Variants in ARFGEF2 observed in about 807,000 individuals in gnomAD.
ARFGEF2 encodes ARF guanine nucleotide exchange factor 2, also known as brefeldin A-inhibited guanine nucleotide-exchange protein 2.
ARFGEF2 carries 74 observed loss-of-function variants against 219.9 expected under a neutral mutation model. The ratio of observed to expected loss-of-function variants is 0.34; its 90% CI spans 0.28 to 0.41. The LOEUF (loss-of-function observed/expected upper bound fraction) is 0.41, where lower values mean the gene tolerates loss of function less well. Ranked by LOEUF, ARFGEF2 falls within the 10% of genes least tolerant of loss-of-function variation. The probability of loss-of-function intolerance (pLI) is 1.00; values close to 1 mark genes in which losing one functional copy is unlikely to be tolerated. For synonymous variants in ARFGEF2, 733 were observed against 799.2 expected (o/e 0.92, Z 1.40); for missense variants, 1,743 against 2,218.3 (o/e 0.79, Z 4.30).
At chr20:48,926,023 A>G (rs894262269) in intron 1 of ARFGEF2, among the ~76,000 whole-genome samples, 1 of 152,198 alleles carries the variant, frequency 6.6e-6, no homozygotes, top group African/African-American at 2.4e-5. Context: ...GGCACAGTAA[A>G]GTGGGCTTTT....
chr20:48,955,510 G>A (rs772759296), intron 6 of ARFGEF2, among the ~76,000 whole-genome samples: 7 of 152,178 alleles, frequency 4.6e-5, no homozygotes, highest in East Asian at 1.9e-4. Flanking sequence ...CCTGGCACAC[G>A]CAGCAGACAT....
In ARFGEF2 at chr20:48,976,264, A is replaced by G; in HGVS notation, c.1958+65A>G. On this transcript the variant is annotated intron_variant, in intron 14 of 38. Transcript: ENST00000371917. The stretch of plus-strand genomic sequence containing the variant: ...AGCCATATTTTCTCTGGGAACCTGG[A>G]ACTGATTCCTAAAAAGGAAATGCCT... 8 of 1,579,168 alleles carry G rather than the reference A, an allele frequency of 5.1e-6. No homozygotes were observed. The South Asian group carries it at 8.0e-5, about 16-fold the overall frequency.
At position 48,953,543 on chromosome 20, in the gene ARFGEF2, T is replaced by G. The variant is rs908561486; in HGVS notation, c.604-13T>G. 7.7e-5 allele frequency: 124 copies of G among 1,612,512 alleles called. No homozygotes were observed. Among genetic ancestry groups the G allele is most frequent in the Non-Finnish European group, 1.0e-4 (118 of 1,178,636 alleles). ...TTACCAAAATGCTGTATCCCCCTTT[T>G]GTTGCCTTTTAGTTGCAGGAGGCCA... is the stretch of plus-strand genomic sequence containing the variant. On this transcript the variant is annotated splice_polypyrimidine_tract_variant and intron_variant, in intron 5 of 38. Transcript: ENST00000371917.
chr20:48,974,971 A>C (rs1413335121), intron 13 of ARFGEF2, 97 bp downstream of exon 13: 2 of 1,084,272 alleles, frequency 1.8e-6, no homozygotes, highest in Non-Finnish European at 2.8e-6. Flanking sequence ...AGAATTGAAA[A>C]AGCCTTTTTA....
At position 48,985,607 on chromosome 20, in the gene ARFGEF2, A is replaced by G. The variant is rs2091322420; in HGVS notation, c.2270A>G (p.Asn757Ser). The G allele has an allele frequency of 1.2e-6, 2 of 1,614,170 alleles. No individual in the cohort carries two copies. Among genetic ancestry groups the G allele is most frequent in the East Asian group, 4.5e-5 (2 of 44,888 alleles). ...EKFAARYIEC[N>S]QGQTLFASAD... is the part of the protein sequence containing the mutation. ...TTTGCCGCAAGATACATAGAATGCAACCAAGGGTGAGCGCCGATTTTGAGT... is the reference window on the plus strand; with the variant it reads ...TTTGCCGCAAGATACATAGAATGCAGCCAAGGGTGAGCGCCGATTTTGAGT... Residue 757 changes from asparagine to serine, a missense_variant, in exon 16 of 39, where the codon AAC becomes AGC. By Grantham distance (46) the Asn-to-Ser change is conservative. Transcript: ENST00000371917.
chr20:48,935,346 C>T (rs2090941179), intron 1 of ARFGEF2, among the ~76,000 whole-genome samples: 1 of 152,082 alleles, frequency 6.6e-6, no homozygotes. Flanking sequence ...ACATCTTGCA[C>T]CGCCCTTAAT....
chr20:49,031,220 CTTTTTTTTTTTTTTT>C (rs869105434), intron 37 of ARFGEF2, among the ~76,000 whole-genome samples: 1 of 59,396 alleles, frequency 1.7e-5, no homozygotes, highest in Non-Finnish European at 2.8e-5. Context: ...TGAGTTTGGA[CTTTTTTTTTTTTTTT>C]TTTTTTTTTT....
chr20:49,017,577 GTCTTT>G, intron 33 of ARFGEF2, 27 bp downstream of exon 33: 1 of 1,612,940 alleles, frequency 6.2e-7, no homozygotes, highest in African/African-American at 1.3e-5. Context: ...TTCTTTGGTT[GTCTTT>G]TCTTTTTTCT....
chr20:49,011,105 A>G (rs1184578403), intron 27 of ARFGEF2, among the ~76,000 whole-genome samples: 1 of 152,170 alleles, frequency 6.6e-6, no homozygotes, highest in Non-Finnish European at 1.5e-5. Flanking sequence ...TGGAAAAAAT[A>G]TGTGTGTTAG....
At position 49,034,193 on chromosome 20, in the gene ARFGEF2, C is replaced by G. The variant is rs1479455435; in HGVS notation, c.*994C>G. 1 of 152,214 alleles carries G rather than the reference C, an allele frequency of 6.6e-6. No homozygotes were observed. Among genetic ancestry groups the G allele is most frequent in the Non-Finnish European group, 1.5e-5 (1 of 68,046 alleles). 9.4% of individuals were successfully genotyped at this position (152,214 alleles called of 1,614,324 possible). A position where few individuals can be genotyped will look rare whatever the true frequency, so the allele number is the denominator to read the frequency against. The stretch of plus-strand genomic sequence containing the variant: ...CATTAAAGGACCCTCCAGAGAGGGA[C>G]AGTAACTGTGCATGAGAAGCCGCTC... On this transcript the variant is annotated 3_prime_UTR_variant, in exon 39 of 39. Transcript: ENST00000371917.
At chr20:48,973,869 T>C (rs761922355) in intron 12 of ARFGEF2, among the ~76,000 whole-genome samples, 71 of 152,204 alleles carry the variant, frequency 4.7e-4, no homozygotes, top group Non-Finnish European at 9.0e-4. Context: ...AGTTGCTGTT[T>C]TGAATCTAAA....
intron 8 of ARFGEF2, among the ~76,000 whole-genome samples, chr20:48,967,137 T>A (rs1166877880): frequency 2.0e-5 from 3 of 152,222 alleles, no homozygotes; most frequent in Non-Finnish European, 4.4e-5. Flanking sequence ...TGAGCCACTG[T>A]ATCCAACCAG....
intron 37 of ARFGEF2, among the ~76,000 whole-genome samples, chr20:49,031,220 C>CTTTTTTTT (rs869105434): frequency 1.7e-5 from 1 of 59,396 alleles, no homozygotes; most frequent in Non-Finnish European, 2.8e-5. Context: ...TGAGTTTGGA[C>CTTTTTTTT]TTTTTTTTTT....
At chr20:49,032,447 G>A (rs567449000) in intron 38 of ARFGEF2, among the ~76,000 whole-genome samples, 5 of 152,298 alleles carry the variant, frequency 3.3e-5, no homozygotes, top group Admixed American at 1.3e-4. Flanking sequence ...TGCAGGAAGA[G>A]AGGGTTAAGA....
Position 48,976,202 on chromosome 20 carries a change from G to A in ARFGEF2, c.1958+3G>A. ...ATCATTGAACACGGCATCGAGCTGT[G>A]AGTGGGGCTGCCGTTAACTAGCAGG... On this transcript the variant is annotated splice_donor_region_variant and intron_variant, in intron 14 of 38. Transcript: ENST00000371917. The A allele has an allele frequency of 6.2e-7, 1 of 1,613,700 alleles. No homozygotes were observed. The highest frequency in any genetic ancestry group is 8.5e-7 in the Non-Finnish European group (1 of 1,179,964).
intron 12 of ARFGEF2, 72 bp from the exon 13 acceptor site, chr20:48,974,694 A>G: frequency 1.6e-6 from 2 of 1,262,166 alleles, no homozygotes; most frequent in Non-Finnish European, 2.3e-6. Flanking sequence ...CTGGGGTCCC[A>G]GAAAGCCTCG....
intron 34 of ARFGEF2, among the ~76,000 whole-genome samples, chr20:49,022,154 CAA>C (rs58870256): frequency 1.0e-4 from 7 of 70,204 alleles, no homozygotes; most frequent in Non-Finnish European, 1.2e-4. Flanking sequence ...GACTCCGTCT[CAA>C]AAAAAAAAAA....
At position 49,013,695 on chromosome 20, in the gene ARFGEF2, G is replaced by A. The variant is rs2091514248; in HGVS notation, c.4049+1G>A. 1 of 1,614,102 alleles carries A rather than the reference G, an allele frequency of 6.2e-7. No individual in the cohort carries two copies. Among genetic ancestry groups the A allele is most frequent in the Non-Finnish European group, 8.5e-7 (1 of 1,180,012 alleles). The stretch of plus-strand genomic sequence containing the variant: ...GATGCAAGTTAGATGTACGAACAAG[G>A]TAACCATGTTCCCGTGCGGTGGCCC... On this transcript the variant is annotated splice_donor_variant, in intron 29 of 38. Transcript: ENST00000371917. LOFTEE classifies it high-confidence loss of function.
intron 25 of ARFGEF2, among the ~76,000 whole-genome samples, chr20:49,004,195 T>C (rs2091442159): frequency 6.6e-6 from 1 of 151,920 alleles, no homozygotes; most frequent in Non-Finnish European, 1.5e-5. Context: ...ACCCTGTCTC[T>C]TCTAAAAATA....
Sources: allele counts gnomAD v4.1 joint callset (sites outside exome capture counted in the v4.1 genomes callset), GRCh38; gene constraint gnomAD v4.1.1; transcripts MANE v1.5; gene names NCBI Gene and HGNC (gene_info 2026-07-23, HGNC 2026-07-21).